BRINP3: variants seen among roughly 807,000 people sequenced by gnomAD.
BRINP3 encodes the protein BMP/retinoic acid-inducible neural-specific protein 3.
BRINP3 carries 19 observed loss-of-function variants against 71.0 expected under a neutral mutation model. That is an observed-to-expected ratio of 0.27 (90% CI 0.19 to 0.39). The LOEUF is 0.39. BRINP3 is among the 10% of genes least tolerant of loss of function. The pLI is 1.00. For missense variants in BRINP3, 959 were observed against 940.8 expected, an observed-to-expected ratio of 1.02 and a Z score of -0.25; for synonymous variants, 380 against 337.7, an observed-to-expected ratio of 1.13 and a Z score of -1.37.
chr1:190,139,374 C>T (rs911696454), intron 7 of BRINP3, among the ~76,000 whole-genome samples: 1 of 148,076 alleles, frequency 6.8e-6, no homozygotes, highest in African/African-American at 2.5e-5. Flanking sequence ...ATCACTTGAA[C>T]CTGGGAAGCA....
intron 2 of BRINP3, among the ~76,000 whole-genome samples, chr1:190,307,258 GTTTTTTTTTTTTTTTT>G (rs71123082): frequency 1.9e-5 from 1 of 52,596 alleles, no homozygotes; most frequent in Non-Finnish European, 3.4e-5. Context: ...TTAAAACATT[GTTTTTTTTTTTTTTTT>G]TTTTTTTTTT....
chr1:190,206,309 T>C (rs1571359470), intron 6 of BRINP3, among the ~76,000 whole-genome samples: 1 of 151,978 alleles, frequency 6.6e-6, no homozygotes, highest in African/African-American at 2.4e-5. Context: ...TTTCTATTTG[T>C]CCTATTCTGC....
At chr1:190,417,532 GTTAT>G (rs1016151000) in intron 2 of BRINP3, among the ~76,000 whole-genome samples, 7 of 151,970 alleles carry the variant, frequency 4.6e-5, no homozygotes, top group African/African-American at 1.4e-4. Context: ...TTCCCAGGAA[GTTAT>G]TTGTCAAAAA....
intron 4 of BRINP3, among the ~76,000 whole-genome samples, chr1:190,239,335 G>T (rs1658830792): frequency 6.6e-6 from 1 of 151,966 alleles, no homozygotes; most frequent in African/African-American, 2.4e-5. Flanking sequence ...TACTGAACAT[G>T]AACAAATCTC....
At chr1:190,345,838 T>C (rs2102014211) in intron 2 of BRINP3, among the ~76,000 whole-genome samples, 1 of 151,996 alleles carries the variant, frequency 6.6e-6, no homozygotes, top group East Asian at 1.9e-4. Context: ...TTTAGAACAT[T>C]CATTGGAAAT....
chr1:190,351,351 A>AT lies in BRINP3; in HGVS notation c.237-69602dup, dbSNP rs1426963190. The stretch of plus-strand genomic sequence containing the variant: ...ATATGCAAAACTTATTTGGACTCTC[A>AT]TTTTGCTTACAATATAAAAATACTT... On this transcript the variant is annotated intron_variant, in intron 2 of 7. Transcript: ENST00000367462. Among the ~76,000 whole-genome samples, 4 of 152,156 alleles carry AT rather than the reference A, an allele frequency of 2.6e-5. No homozygotes were observed. The East Asian group carries it at 5.8e-4, about 22-fold the overall frequency.
intron 4 of BRINP3, among the ~76,000 whole-genome samples, chr1:190,235,970 A>G (rs1226777766): frequency 6.6e-6 from 1 of 151,916 alleles, no homozygotes; most frequent in African/African-American, 2.4e-5. Context: ...TCACTCACAT[A>G]TCCACAGAAC....
At chr1:190,238,366 TCTG>T in intron 4 of BRINP3, among the ~76,000 whole-genome samples, 1 of 152,090 alleles carries the variant, frequency 6.6e-6, no homozygotes, top group South Asian at 2.1e-4. Context: ...CACTACATAC[TCTG>T]TTTTTTAAAA....
At chr1:190,464,129 C>A in intron 1 of BRINP3, among the ~76,000 whole-genome samples, 2 of 144,112 alleles carry the variant, frequency 1.4e-5, no homozygotes, top group Non-Finnish European at 1.5e-5. Flanking sequence ...TTACGTCTTT[C>A]AAAAAGTGTT....
chr1:190,312,028 A>T lies in BRINP3; in HGVS notation c.237-30278T>A, dbSNP rs576159241. Among the ~76,000 whole-genome samples, 30 of 120,726 alleles carry T rather than the reference A, an allele frequency of 2.5e-4. No homozygotes were observed. The East Asian group carries it at 4.8e-3, about 19-fold the overall frequency. 79.2% of individuals were successfully genotyped at this position (120,726 alleles called of 152,430 possible). A position where few individuals can be genotyped will look rare whatever the true frequency, so the allele number is the denominator to read the frequency against. On this transcript the variant is annotated intron_variant, in intron 2 of 7. Transcript: ENST00000367462. ...AAATATAAAAAATACATGATATTTG[A>T]AAAGTCAAATATATATATATATATA...
At chr1:190,335,098 A>C (rs531835481) in intron 2 of BRINP3, among the ~76,000 whole-genome samples, 1 of 151,960 alleles carries the variant, frequency 6.6e-6, no homozygotes, top group African/African-American at 2.4e-5. Context: ...AGTTAGCCAT[A>C]GTTAGTACTG....
intron 2 of BRINP3, among the ~76,000 whole-genome samples, chr1:190,377,614 C>T (rs1670264684): frequency 1.4e-5 from 2 of 147,568 alleles, no homozygotes; most frequent in Admixed American, 1.4e-4. Context: ...TATATAAAAC[C>T]TGAAAGAACA....
intron 2 of BRINP3, among the ~76,000 whole-genome samples, chr1:190,332,344 C>T (rs563162516): frequency 1.6e-4 from 25 of 152,094 alleles, no homozygotes; most frequent in Middle Eastern, 6.8e-3. Flanking sequence ...GGGCTGTTGC[C>T]GAAGAACTCA....
chr1:190,158,727 C>T (rs1480266983), intron 7 of BRINP3, among the ~76,000 whole-genome samples: 1 of 148,410 alleles, frequency 6.7e-6, no homozygotes, highest in Non-Finnish European at 1.5e-5. Flanking sequence ...AAACACACAG[C>T]AAAGAGGAAA....
At chr1:190,295,544 T>G (rs1224597653) in intron 2 of BRINP3, among the ~76,000 whole-genome samples, 1 of 152,112 alleles carries the variant, frequency 6.6e-6, no homozygotes, top group Non-Finnish European at 1.5e-5. Flanking sequence ...CCACTGAAAT[T>G]TACTGAGGGC....
At chr1:190,387,158 G>A (rs1410589413) in intron 2 of BRINP3, among the ~76,000 whole-genome samples, 1 of 151,806 alleles carries the variant, frequency 6.6e-6, no homozygotes, top group Non-Finnish European at 1.5e-5. Context: ...ATATCTTATT[G>A]CTGAATCAAA....
chr1:190,388,392 T>A (rs1671047875), intron 2 of BRINP3, among the ~76,000 whole-genome samples: 1 of 151,684 alleles, frequency 6.6e-6, no homozygotes, highest in Admixed American at 6.6e-5. Context: ...AATAGAGTAT[T>A]TAGAACAAAG....
intron 2 of BRINP3, among the ~76,000 whole-genome samples, chr1:190,411,172 T>C (rs1181765938): frequency 6.6e-6 from 1 of 152,096 alleles, no homozygotes; most frequent in Admixed American, 6.5e-5. Context: ...CCTTTCTATA[T>C]GACAGAGGTG....
intron 2 of BRINP3, among the ~76,000 whole-genome samples, chr1:190,358,396 C>A (rs528557569): frequency 3.3e-5 from 5 of 152,234 alleles, no homozygotes; most frequent in Non-Finnish European, 5.9e-5. Context: ...ATGCAGCCAA[C>A]AGACACATGA....
Sources: gnomAD v4.1 joint callset for allele counts (sites outside exome capture counted in the v4.1 genomes callset) on GRCh38, gnomAD v4.1.1 for gene constraint, MANE v1.5 for transcripts, NCBI Gene and HGNC (gene_info 2026-07-23, HGNC 2026-07-21) for gene names.